MAPKAPK5: variants seen among roughly 807,000 people sequenced by gnomAD.
MAPKAPK5 encodes the protein MAP kinase-activated protein kinase 5.
MAPKAPK5 carries 30 observed loss-of-function variants against 65.1 expected under a neutral mutation model. The ratio of observed to expected loss-of-function variants is 0.46; its 90% CI spans 0.34 to 0.63. The LOEUF is 0.63. Among genes scored for constraint, MAPKAPK5 ranks in the 20% least tolerant of loss-of-function variants. The pLI is 0.01. For missense variants in MAPKAPK5, 433 were observed against 581.4 expected, an observed-to-expected ratio of 0.74 and a Z score of 2.63; for synonymous variants, 179 against 204.6, an observed-to-expected ratio of 0.87 and a Z score of 1.07.
intron 1 of MAPKAPK5, among the ~76,000 whole-genome samples, chr12:111,859,617 A>C (rs2136092082): frequency 6.7e-6 from 1 of 149,462 alleles, no homozygotes; most frequent in South Asian, 2.1e-4. Context: ...CTGTTATCCC[A>C]GCACTTCTTT....
chr12:111,899,644 G>T lies in MAPKAPK5; in HGVS notation c.*6583G>T. ...TTTGTGAATAACTTTCCAGTCTACA[G>T]TTACCACAATGGCCTCCTGGGGCAA... On this transcript the variant is annotated 3_prime_UTR_variant, in exon 14 of 14. Coordinates refer to ENST00000550735, the MANE Select transcript of MAPKAPK5 (RefSeq NM_003668.4). 3.4e-6 allele frequency: 1 copy of T among 291,532 alleles called. No individual in the cohort carries two copies. The highest frequency in any genetic ancestry group is 6.9e-6 in the Non-Finnish European group (1 of 145,044). 18.1% of individuals were successfully genotyped at this position (291,532 alleles called of 1,614,324 possible). A position where few individuals can be genotyped will look rare whatever the true frequency, so the allele number is the denominator to read the frequency against.
intron 8 of MAPKAPK5, among the ~76,000 whole-genome samples, chr12:111,881,125 G>C (rs56153704): frequency 0.015 from 2,356 of 152,168 alleles, 73 homozygotes; most frequent in African/African-American, 0.054. Flanking sequence ...CCAGGCTGGA[G>C]TACAGTGGTG....
chr12:111,888,430 TGGCTTTTTA>T, intron 10 of MAPKAPK5, 49 bp from the exon 11 acceptor site: 1 of 1,596,694 alleles, frequency 6.3e-7, no homozygotes, highest in Non-Finnish European at 8.5e-7. Flanking sequence ...TTTCTTAGAC[TGGCTTTTTA>T]GGTGCCCAGC....
At position 111,899,950 on chromosome 12, in the gene MAPKAPK5, A is replaced by G; in HGVS notation, c.*6889A>G. The G allele has an allele frequency of 2.2e-6, 1 of 456,104 alleles. No individual in the cohort carries two copies. 28.3% of individuals were successfully genotyped at this position (456,104 alleles called of 1,614,324 possible). ...CAGGCACTGTCCTACTTGTGGTCACACAAAAAGTACGTGGAGATGTTTGTC... is the reference window on the plus strand; with the variant it reads ...CAGGCACTGTCCTACTTGTGGTCACGCAAAAAGTACGTGGAGATGTTTGTC... On this transcript the variant is annotated 3_prime_UTR_variant, in exon 14 of 14. Coordinates refer to ENST00000550735, the MANE Select transcript of MAPKAPK5 (RefSeq NM_003668.4).
intron 1 of MAPKAPK5, among the ~76,000 whole-genome samples, chr12:111,848,298 T>A (rs2068964160): frequency 6.6e-6 from 1 of 152,208 alleles, no homozygotes; most frequent in South Asian, 2.1e-4. Flanking sequence ...GTAGTGGTAT[T>A]ATGCTTTTAA....
Position 111,900,241 on chromosome 12 carries a change from A to G in MAPKAPK5, c.*7180A>G. 2 of 456,030 alleles carry G rather than the reference A, an allele frequency of 4.4e-6. No individual in the cohort carries two copies. The highest frequency in any genetic ancestry group is 3.1e-5 in the South Asian group (2 of 64,554). The allele number at this position is 456,030 out of a possible 1,614,324, so 28.2% of individuals were successfully genotyped here. A position where few individuals can be genotyped will look rare whatever the true frequency, so the allele number is the denominator to read the frequency against. The stretch of plus-strand genomic sequence containing the variant: ...GATGTTGCCCACATGATCGTTGGGC[A>G]TCACCCTGGACAGAATATGGGCCAG... On this transcript the variant is annotated 3_prime_UTR_variant, in exon 14 of 14. Transcript: ENST00000550735.
chr12:111,892,654 G>C (rs991661178), intron 13 of MAPKAPK5, among the ~76,000 whole-genome samples: 1 of 151,926 alleles, frequency 6.6e-6, no homozygotes, highest in Non-Finnish European at 1.5e-5. Context: ...TTTTCTTATA[G>C]ATGTATAGGA....
At position 111,889,876 on chromosome 12, in the gene MAPKAPK5, G is replaced by T. The variant is rs2070546630; in HGVS notation, c.1217-164G>T. 4 of 583,818 alleles carry T rather than the reference G, an allele frequency of 6.9e-6. No individual in the cohort carries two copies. In the South Asian group the frequency reaches 7.9e-5, roughly 12 times the overall value. 36.2% of individuals were successfully genotyped at this position (583,818 alleles called of 1,614,324 possible). On this transcript the variant is annotated intron_variant, in intron 12 of 13. Coordinates refer to ENST00000550735, the MANE Select transcript of MAPKAPK5 (RefSeq NM_003668.4). ...AAAAAGAGTCCACATACCAGATGCG[G>T]TCTACATAATGTAGGGACTAGCAGT...
intron 7 of MAPKAPK5, among the ~76,000 whole-genome samples, chr12:111,877,389 G>A (rs1051580883): frequency 6.6e-6 from 1 of 151,944 alleles, no homozygotes; most frequent in African/African-American, 2.4e-5. Flanking sequence ...TGCAGTGTAT[G>A]AAAGTTTCAG....
In MAPKAPK5 at chr12:111,890,057, A is replaced by G. The variant is rs769507267; in HGVS notation, c.1234A>G (p.Lys412Glu). The G allele has an allele frequency of 6.3e-7, 1 of 1,592,702 alleles. No individual in the cohort carries two copies. The highest frequency in any genetic ancestry group is 8.6e-7 in the Non-Finnish European group (1 of 1,169,372). ...ACCAATAGGAGAGAATGAAGATGAG[A>G]AACTGAATGAAGTAATGCAGGAGGC... ...LPQAGENEDE[K>E]LNEVMQEAWK... The change falls in exon 13 of 14, where the codon AAA becomes GAA. Residue 412 changes from lysine to glutamate, a missense_variant. Around this residue, in one of 3 missense-constraint regions of MAPKAPK5, gnomAD observed 169 missense variants for 215.6 expected, o/e 0.78. Coordinates refer to ENST00000550735, the MANE Select transcript of MAPKAPK5 (RefSeq NM_003668.4).
Position 111,883,428 on chromosome 12 carries a change from C to T in MAPKAPK5, c.661-153C>T, listed in dbSNP as rs770659610. ...AAATATGGAGATAAAGACTAGTTCT[C>T]CTAAGACTTCCTTCAGCTTTCCTAG... On this transcript the variant is annotated intron_variant, in intron 8 of 13. Transcript: ENST00000550735. This position sits in a 1 kb window ranked among gnomAD's most constrained non-coding sequence, Gnocchi z 4.8. Among the ~76,000 whole-genome samples, 3 of 152,028 alleles carry T rather than the reference C, an allele frequency of 2.0e-5. No homozygotes were observed. The highest frequency in any genetic ancestry group is 1.5e-5 in the Non-Finnish European group (1 of 67,964).
At chr12:111,892,427 C>A (rs555904455) in intron 13 of MAPKAPK5, among the ~76,000 whole-genome samples, 1 of 152,296 alleles carries the variant, frequency 6.6e-6, no homozygotes, top group South Asian at 2.1e-4. Context: ...GGTTACTTCA[C>A]GTCCACACCA....
Position 111,893,429 on chromosome 12 carries a change from G to C in MAPKAPK5, c.*368G>C, listed in dbSNP as rs932671188. 6.5e-6 allele frequency: 1 copy of C among 153,792 alleles called. No homozygotes were observed. Among genetic ancestry groups the C allele is most frequent in the African/African-American group, 2.4e-5 (1 of 41,460 alleles). 9.5% of individuals were successfully genotyped at this position (153,792 alleles called of 1,614,324 possible). On this transcript the variant is annotated 3_prime_UTR_variant, in exon 14 of 14. Transcript: ENST00000550735. ...AGTTGAATCAAGGACTCTGGATTCT[G>C]GTTTCAATTGCCCTGTGTGTTTATT...
chr12:111,866,334 A>G, intron 3 of MAPKAPK5, 103 bp downstream of exon 3: 1 of 967,700 alleles, frequency 1.0e-6, no homozygotes, highest in Admixed American at 2.8e-5. Context: ...ATGCATAAAA[A>G]GTTTTATGTC....
At chr12:111,874,843 C>T (rs1393808820) in intron 7 of MAPKAPK5, among the ~76,000 whole-genome samples, 7 of 147,794 alleles carry the variant, frequency 4.7e-5, no homozygotes, top group South Asian at 4.3e-4. Context: ...GGCGCAATCT[C>T]GGCTCACTGC....
intron 8 of MAPKAPK5, among the ~76,000 whole-genome samples, chr12:111,882,064 C>T (rs1464565185): frequency 1.3e-5 from 2 of 152,192 alleles, no homozygotes; most frequent in African/African-American, 4.8e-5. Flanking sequence ...GTGTCATCCA[C>T]AAATATCTAC....
At chr12:111,890,502 A>G (rs2070565933) in intron 13 of MAPKAPK5, among the ~76,000 whole-genome samples, 1 of 152,170 alleles carries the variant, frequency 6.6e-6, no homozygotes, top group Non-Finnish European at 1.5e-5. Context: ...GCTGAAGGGG[A>G]GAAAGAGGAC....
chr12:111,873,435 C>G (rs997541468), intron 7 of MAPKAPK5, among the ~76,000 whole-genome samples: 1 of 152,084 alleles, frequency 6.6e-6, no homozygotes, highest in African/African-American at 2.4e-5. Flanking sequence ...CCTCTGCCTC[C>G]CGGGTTCAAG....
At chr12:111,850,823 T>G (rs886861430) in intron 1 of MAPKAPK5, among the ~76,000 whole-genome samples, 2 of 152,100 alleles carry the variant, frequency 1.3e-5, no homozygotes, top group Admixed American at 1.3e-4. Context: ...CCTCTGAGCC[T>G]TCAAGGGAGA....
Sources: allele counts gnomAD v4.1 joint callset (sites outside exome capture counted in the v4.1 genomes callset), GRCh38; gene constraint gnomAD v4.1.1; regional missense constraint gnomAD v4.1.1; non-coding constraint Gnocchi (gnomAD v3.1); transcripts MANE v1.5; gene names NCBI Gene and HGNC (gene_info 2026-07-23, HGNC 2026-07-21).